Variants in NOC2L observed in about 807,000 individuals in gnomAD.
NOC2L encodes NOC2 like nucleolar associated transcriptional repressor, also known as nucleolar complex protein 2 homolog.
In NOC2L, 101 loss-of-function variants were observed where a neutral mutation model predicts 94.2. That is an observed-to-expected ratio of 1.07 (90% CI 0.91 to 1.26). The LOEUF is 1.26. Ranked by LOEUF, NOC2L falls within the 50% of genes most tolerant of loss-of-function variation. NOC2L has a pLI of 0.00. For missense variants in NOC2L, 1,076 were observed against 980.1 expected, an observed-to-expected ratio of 1.10 and a Z score of -1.31; for synonymous variants, 531 against 413.4, an observed-to-expected ratio of 1.28 and a Z score of -3.45.
chr1:952,973 C>T (rs1029179762), intron 9 of NOC2L, among the ~76,000 whole-genome samples: 3 of 152,160 alleles, frequency 2.0e-5, no homozygotes. Context: ...CAGGTGGGGC[C>T]CTGAGAAGGC....
rs768305341 is a variant in NOC2L at position 959,251 on chromosome 1, C to T, written c.-11G>A. The T allele has an allele frequency of 5.6e-6, 9 of 1,603,446 alleles. No individual in the cohort carries two copies. The highest frequency in any genetic ancestry group is 2.7e-5 in the African/African-American group (2 of 74,688). Reference sequence around the variant, plus strand: ...CCCCGCAGCTGCCATGACACCAACCCGAAGCGTGCACCCCACTTCCGGCCC... The same window carrying T: ...CCCCGCAGCTGCCATGACACCAACCTGAAGCGTGCACCCCACTTCCGGCCC... On this transcript the variant is annotated 5_prime_UTR_variant, in exon 1 of 19. Coordinates refer to ENST00000327044, the MANE Select transcript of NOC2L (RefSeq NM_015658.4).
At position 957,269 on chromosome 1, in the gene NOC2L, G is replaced by A. The variant is rs373824797; in HGVS notation, c.184C>T (p.Arg62Cys). The A allele has an allele frequency of 3.0e-5, 49 of 1,613,466 alleles. No homozygotes were observed. Among genetic ancestry groups the A allele is most frequent in the South Asian group, 5.5e-5 (5 of 91,086 alleles). ...KPGGSPSASR[R>C]KGRASEHKDQ... ...TTGTGCTCAGAGGCACGGCCTTTAC[G>A]CCGGCTGAGGAGGCAGAAGTCAGCG... is the stretch of plus-strand genomic sequence containing the variant. The change falls in exon 3 of 19, where the codon CGT becomes TGT. Residue 62 changes from arginine to cysteine, a missense_variant. Transcript: ENST00000327044.
In NOC2L at chr1:950,659, GCACA is replaced by G. The variant is rs891444304; in HGVS notation, c.1443+464_1443+467del. ...TACAGATGCACACATGAACTGATAT[GCACA>G]CACACACAGATTTACAGACCCATGC... On this transcript the variant is annotated intron_variant, in intron 12 of 18. Transcript: ENST00000327044. 7.6e-5 allele frequency among the ~76,000 whole-genome samples: 3 copies of G among 39,668 alleles called. No homozygotes were observed. The East Asian group carries it at 1.6e-3, about 21-fold the overall frequency. The allele number at this position is 39,668 out of a possible 152,430, so 26.0% of individuals were successfully genotyped here.
chr1:953,180 G>C lies in NOC2L; in HGVS notation c.997C>G (p.Leu333Val), dbSNP rs1482552706. 1.9e-6 allele frequency: 3 copies of C among 1,609,834 alleles called. No individual in the cohort carries two copies. Among genetic ancestry groups the C allele is most frequent in the South Asian group, 2.2e-5 (2 of 91,006 alleles). The change falls in exon 9 of 19, where the codon CTC becomes GTC. Residue 333 changes from leucine (L) to valine (V), a missense_variant. This residue lies in a region of NOC2L where 615 missense variants were observed against 577.4 expected (regional missense o/e 1.07). Transcript: ENST00000327044. ...GACGCAGGGCCCACCACTACCTTGA[G>C]GACGGGGCCAAGGAAAGTGTCCTTC... Reference protein sequence around the residue: ...HKKDTFLGPVLKQMYITYVRN... With the variant: ...HKKDTFLGPVVKQMYITYVRN...
chr1:945,421 C>A lies in NOC2L; in HGVS notation c.2053+97G>T, dbSNP rs552927939. ...CAGCTGGGCCAGAGACTGGTGAGCC[C>A]CCTGCAGGATGGGTACAGGTGGCCC... On this transcript the variant is annotated intron_variant, in intron 17 of 18. Transcript: ENST00000327044. 446 of 1,430,998 alleles carry A rather than the reference C, an allele frequency of 3.1e-4. 1 individual carries two copies. In the African/African-American group the frequency reaches 5.8e-3, roughly 19 times the overall value. 88.6% of individuals were successfully genotyped at this position (1,430,998 alleles called of 1,614,324 possible). A position where few individuals can be genotyped will look rare whatever the true frequency, so the allele number is the denominator to read the frequency against.
intron 6 of NOC2L, among the ~76,000 whole-genome samples, chr1:955,435 C>T (rs1281247416): frequency 6.6e-6 from 1 of 152,232 alleles, no homozygotes; most frequent in Non-Finnish European, 1.5e-5. Flanking sequence ...GTGCGTCTCT[C>T]TTCTCTGAAA....
In NOC2L at chr1:957,261, GC is replaced by G; in HGVS notation, c.191del (p.Gly64AlafsTer13). The G allele has an allele frequency of 6.2e-7, 1 of 1,613,672 alleles. No individual in the cohort carries two copies. Among genetic ancestry groups the G allele is most frequent in the Non-Finnish European group, 8.5e-7 (1 of 1,179,960 alleles). On this transcript the variant is annotated frameshift_variant, in exon 3 of 19. Coordinates refer to ENST00000327044, the MANE Select transcript of NOC2L (RefSeq NM_015658.4). LOFTEE classifies it high-confidence loss of function. ...GCTGGTCTTTGTGCTCAGAGGCACG[GC>G]CTTTACGCCGGCTGAGGAGGCAGAA... ...GGSPSASRRK[G>X]RASEHKDQLS...
intron 14 of NOC2L, among the ~76,000 whole-genome samples, chr1:947,853 G>A (rs1275518792): frequency 5.9e-5 from 9 of 152,228 alleles, no homozygotes; most frequent in African/African-American, 1.4e-4. Flanking sequence ...TCCCAACCCC[G>A]AAGCAAAGAT....
chr1:946,687 T>A, intron 14 of NOC2L, 142 bp from the exon 15 acceptor site: 1 of 992,500 alleles, frequency 1.0e-6, no homozygotes, highest in Non-Finnish European at 1.5e-6. Context: ...CTCAAGTGCA[T>A]AGCTGTTGCA....
Position 951,173 on chromosome 1 carries a change from G to T in NOC2L, c.1397C>A (p.Ser466Ter). The change falls in exon 12 of 19, where the codon TCG (serine) becomes TAG (stop). Residue 466 changes from serine to a stop codon, truncating the protein, a stop_gained. Transcript: ENST00000327044. LOFTEE classifies it high-confidence loss of function. ...MHCIRALTLLSGSSGAFIPVL... is the reference protein window; with the variant it reads ...MHCIRALTLL ...CGGGATGAAGGCCCCCGAGCTCCCCGAGAGCAGCGTCAGGGCACGGATGCA... is the reference window on the plus strand; with the variant it reads ...CGGGATGAAGGCCCCCGAGCTCCCCTAGAGCAGCGTCAGGGCACGGATGCA... 1.3e-6 allele frequency: 2 copies of T among 1,596,950 alleles called. No homozygotes were observed. Among genetic ancestry groups the T allele is most frequent in the Non-Finnish European group, 1.7e-6 (2 of 1,171,994 alleles).
rs779888371 is a variant in NOC2L, at chr1:959,241, G to A, written c.-1C>T. 29 of 1,606,460 alleles carry A rather than the reference G, an allele frequency of 1.8e-5. No homozygotes were observed. Among genetic ancestry groups the A allele is most frequent in the South Asian group, 3.3e-5 (3 of 90,350 alleles). On this transcript the variant is annotated 5_prime_UTR_variant, in exon 1 of 19. Transcript: ENST00000327044. ...TCTTGCGGCTCCCCGCAGCTGCCAT[G>A]ACACCAACCCGAAGCGTGCACCCCA...
intron 2 of NOC2L, chr1:958,579 C>T: frequency 2.1e-6 from 1 of 482,898 alleles, no homozygotes; most frequent in Non-Finnish European, 4.0e-6. Flanking sequence ...CAACTCGGCT[C>T]CCCTGCAACT....
In NOC2L at chr1:957,032, A is replaced by C. The variant is rs1204259142; in HGVS notation, c.355-7T>G. ...CCTCCTCCTCACTGGCTTCCTGCAC[A>C]GAAAGGCTGAGCTGAAGGAGAGTGT... On this transcript the variant is annotated splice_polypyrimidine_tract_variant and splice_region_variant and intron_variant, in intron 3 of 18. Coordinates refer to ENST00000327044, the MANE Select transcript of NOC2L (RefSeq NM_015658.4). The C allele has an allele frequency of 2.5e-6, 4 of 1,613,936 alleles. No individual in the cohort carries two copies. In the African/African-American group the frequency reaches 4.0e-5, roughly 16 times the overall value.
In NOC2L at chr1:944,804, C is replaced by CG. The variant is rs1314748830; in HGVS notation, c.2144-5dup. 2 of 1,556,672 alleles carry CG rather than the reference C, an allele frequency of 1.3e-6. No individual in the cohort carries two copies. Among genetic ancestry groups the CG allele is most frequent in the African/African-American group, 2.7e-5 (2 of 73,288 alleles). On this transcript the variant is annotated splice_polypyrimidine_tract_variant and splice_region_variant and intron_variant, in intron 18 of 18. Coordinates refer to ENST00000327044, the MANE Select transcript of NOC2L (RefSeq NM_015658.4). ...GCCTCTGCGTCTGGGTCTCCATCTG[C>CG]GGGGAGAGATGGAGGCTACATAAAT...
At chr1:956,452 C>A (rs1642403151) in intron 4 of NOC2L, among the ~76,000 whole-genome samples, 1 of 152,150 alleles carries the variant, frequency 6.6e-6, no homozygotes, top group Non-Finnish European at 1.5e-5. Flanking sequence ...GTTCCAGATC[C>A]TGGACTATGG....
intron 12 of NOC2L, among the ~76,000 whole-genome samples, chr1:949,824 G>C (rs1406489423): frequency 6.6e-6 from 1 of 152,220 alleles, no homozygotes; most frequent in Admixed American, 6.5e-5. Flanking sequence ...CCCTGCCTCA[G>C]TGGAAGGGGA....
intron 11 of NOC2L, among the ~76,000 whole-genome samples, chr1:951,473 C>G (rs1642259444): frequency 6.6e-6 from 1 of 152,356 alleles, no homozygotes; most frequent in South Asian, 2.1e-4. Context: ...CCTGCCTGCT[C>G]TCCTCCCTGT....
intron 12 of NOC2L, among the ~76,000 whole-genome samples, chr1:950,633 A>G (rs1420834477): frequency 6.6e-6 from 1 of 151,272 alleles, no homozygotes; most frequent in Non-Finnish European, 1.5e-5. Context: ...GCATACACAC[A>G]TACAGATGCA....
Position 956,941 on chromosome 1 carries a change from C to A in NOC2L, c.439G>T (p.Val147Phe). ...PRGLKGKKNS[V>F]PVTVAMVERW... ...TCAACCATGGCGACGGTCACAGGAA[C>A]AGAATTCTTCTTCCCCTTCAGCCCT... is the stretch of plus-strand genomic sequence containing the variant. Residue 147 changes from valine to phenylalanine, a missense_variant, in exon 4 of 19, where the codon GTT becomes TTT. This residue lies in a region of NOC2L where 457 missense variants were observed against 386.0 expected (regional missense o/e 1.18). Transcript: ENST00000327044. The A allele has an allele frequency of 1.2e-6, 2 of 1,614,134 alleles. No individual in the cohort carries two copies. The highest frequency in any genetic ancestry group is 1.7e-6 in the Non-Finnish European group (2 of 1,180,040).
Sources: allele counts gnomAD v4.1 joint callset (sites outside exome capture counted in the v4.1 genomes callset), GRCh38; gene constraint gnomAD v4.1.1; regional missense constraint gnomAD v4.1.1; transcripts MANE v1.5; gene names NCBI Gene and HGNC (gene_info 2026-07-23, HGNC 2026-07-21).